The following KCNQ1 variants were observed in gnomAD, a reference collection of about 807,000 sequenced individuals.
KCNQ1 encodes the protein potassium voltage-gated channel subfamily KQT member 1.
Under a neutral mutation model 72.4 loss-of-function variants are expected in KCNQ1, and 49 were observed. The ratio of observed to expected loss-of-function variants is 0.68; its 90% CI spans 0.54 to 0.86. The LOEUF is 0.86. Among genes scored for constraint, KCNQ1 ranks in the 40% least tolerant of loss-of-function variants. The pLI is 0.00. For missense variants in KCNQ1, 790 were observed against 945.1 expected (o/e 0.84, Z 2.15); for synonymous variants, 450 against 412.6 (o/e 1.09, Z -1.10).
rs745455195 is a variant in KCNQ1, at chr11:2,457,651, G to C, written c.386+12167G>C. On this transcript the variant is annotated intron_variant, in intron 1 of 15. Coordinates refer to ENST00000155840, the MANE Select transcript of KCNQ1 (RefSeq NM_000218.3). The surrounding 1 kb of genome is among the most constrained non-coding windows in gnomAD (Gnocchi z 5.0). ...AGTGGGGAGGGGGGAAGGGGAGCAAGGTTTGAAAAGTTACCTGTGGGTGCT... is the reference window on the plus strand; with the variant it reads ...AGTGGGGAGGGGGGAAGGGGAGCAACGTTTGAAAAGTTACCTGTGGGTGCT... Among the ~76,000 whole-genome samples the C allele has an allele frequency of 1.2e-4, 18 of 152,070 alleles. No homozygotes were observed. The highest frequency in any genetic ancestry group is 2.1e-4 in the Non-Finnish European group (14 of 68,014).
chr11:2,526,831 G>A lies in KCNQ1; in HGVS notation c.387-1097G>A, dbSNP rs540071058. The stretch of plus-strand genomic sequence containing the variant: ...TCAGGATGGCAGGATCTCAGGGAGC[G>A]GAGGGAGCCTGGGGCACCCTATGCC... On this transcript the variant is annotated intron_variant, in intron 1 of 15. Coordinates refer to ENST00000155840, the MANE Select transcript of KCNQ1 (RefSeq NM_000218.3). This position sits in a 1 kb window ranked among gnomAD's most constrained non-coding sequence, Gnocchi z 6.1. Among the ~76,000 whole-genome samples the A allele has an allele frequency of 2.7e-4, 41 of 152,192 alleles. No homozygotes were observed. The highest frequency in any genetic ancestry group is 1.7e-3 in the South Asian group (8 of 4,828).
Position 2,585,280 on chromosome 11 carries a change from G to A in KCNQ1, c.1101G>A (p.Gln367=), listed in dbSNP as rs199473663. The change falls in exon 8 of 16, where the codon CAG becomes CAA. Residue 367 remains glutamine, a synonymous_variant. Coordinates refer to ENST00000155840, the MANE Select transcript of KCNQ1 (RefSeq NM_000218.3). The part of the protein sequence containing the change: ...QKQRQKHFNR[Q]IPAAASLIQT... ...AGAGGCAGAAGCACTTCAACCGGCAGATCCCGGCGGCAGCCTCACTCATTC... is the reference window on the plus strand; with the variant it reads ...AGAGGCAGAAGCACTTCAACCGGCAAATCCCGGCGGCAGCCTCACTCATTC... The A allele has an allele frequency of 6.2e-7, 1 of 1,614,028 alleles. No homozygotes were observed. The highest frequency in any genetic ancestry group is 8.5e-7 in the Non-Finnish European group (1 of 1,180,016).
Position 2,544,942 on chromosome 11 carries a change from G to A in KCNQ1, c.477+16924G>A, listed in dbSNP as rs1344072247. ...ATGTTGGCTCTGGGTTTCCATAGAT[G>A]TCTTTACCAGGTTAAGGAAACGTCC... On this transcript the variant is annotated intron_variant, in intron 2 of 15. Coordinates refer to ENST00000155840, the MANE Select transcript of KCNQ1 (RefSeq NM_000218.3). The surrounding 1 kb of genome is among the most constrained non-coding windows in gnomAD (Gnocchi z 4.4). Among the ~76,000 whole-genome samples the A allele has an allele frequency of 1.3e-5, 2 of 152,180 alleles. No homozygotes were observed. The highest frequency in any genetic ancestry group is 2.4e-5 in the African/African-American group (1 of 41,434).
intron 1 of KCNQ1, among the ~76,000 whole-genome samples, chr11:2,456,153 G>A (rs1352136448): frequency 6.6e-6 from 1 of 151,946 alleles, no homozygotes; most frequent in Non-Finnish European, 1.5e-5. Context: ...GCTTGGCCAA[G>A]GTGGTGAAAC....
intron 2 of KCNQ1, among the ~76,000 whole-genome samples, chr11:2,529,536 A>G (rs72847663): frequency 0.035 from 5,383 of 152,114 alleles, 115 homozygotes; most frequent in Non-Finnish European, 0.054. Context: ...TCTATTCCTC[A>G]TCATAATAAT....
intron 11 of KCNQ1, chr11:2,694,980 A>C (rs1332370920): frequency 2.5e-6 from 1 of 398,612 alleles, no homozygotes; most frequent in East Asian, 3.6e-5. Context: ...AAGAAGAAGA[A>C]GGCTGGCAGA....
chr11:2,845,009 G>C (rs1185389733), intron 15 of KCNQ1, among the ~76,000 whole-genome samples: 1 of 152,192 alleles, frequency 6.6e-6, no homozygotes, highest in Non-Finnish European at 1.5e-5. Context: ...CTGCACCTTT[G>C]ATCTGCTACG....
In KCNQ1 at chr11:2,458,968, G is replaced by T. The variant is rs997460184; in HGVS notation, c.386+13484G>T. ...TGGATTAAATTACTTCTGGTTTGCT[G>T]CATGTTCCATTTTTGCCCATGCCGC... On this transcript the variant is annotated intron_variant, in intron 1 of 15. Transcript: ENST00000155840. The surrounding 1 kb of genome is among the most constrained non-coding windows in gnomAD (Gnocchi z 4.6). Among the ~76,000 whole-genome samples the T allele has an allele frequency of 6.6e-6, 1 of 152,218 alleles. No individual in the cohort carries two copies. The highest frequency in any genetic ancestry group is 2.4e-5 in the African/African-American group (1 of 41,444).
Position 2,663,908 on chromosome 11 carries a change from C to T in KCNQ1, c.1514+1827C>T. 2.5e-6 allele frequency: 1 copy of T among 398,706 alleles called. No homozygotes were observed. 24.7% of individuals were successfully genotyped at this position (398,706 alleles called of 1,614,324 possible). A position where few individuals can be genotyped will look rare whatever the true frequency, so the allele number is the denominator to read the frequency against. On this transcript the variant is annotated intron_variant, in intron 11 of 15. Coordinates refer to ENST00000155840, the MANE Select transcript of KCNQ1 (RefSeq NM_000218.3). This position sits in a 1 kb window ranked among gnomAD's most constrained non-coding sequence, Gnocchi z 5.2. The stretch of plus-strand genomic sequence containing the variant: ...CCCCAAGCCAGTGTGGCTGTGTCAT[C>T]TAGGACACTGGGCTGTTTCTTGTTC...
chr11:2,731,641 G>T (rs1845860256), intron 11 of KCNQ1, among the ~76,000 whole-genome samples: 1 of 152,230 alleles, frequency 6.6e-6, no homozygotes, highest in Non-Finnish European at 1.5e-5. Context: ...TGGTCATGGA[G>T]ATCAGGTTCC....
At chr11:2,561,473 C>T (rs866881137) in intron 2 of KCNQ1, among the ~76,000 whole-genome samples, 4 of 152,248 alleles carry the variant, frequency 2.6e-5, no homozygotes, top group South Asian at 2.1e-4. Context: ...ACACTATTCC[C>T]ATGCCCTTTC....
chr11:2,480,217 T>G (rs1846631274), intron 1 of KCNQ1, among the ~76,000 whole-genome samples: 1 of 152,222 alleles, frequency 6.6e-6, no homozygotes, highest in Admixed American at 6.5e-5. Flanking sequence ...CCAAAGTTGC[T>G]TCCACATTTT....
intron 11 of KCNQ1, among the ~76,000 whole-genome samples, chr11:2,722,546 G>A (rs771309250): frequency 3.9e-5 from 6 of 152,156 alleles, no homozygotes; most frequent in African/African-American, 7.2e-5. Context: ...TGTCAGCCAC[G>A]GCTGGTGGGT....
chr11:2,552,155 C>T (rs1349093962), intron 2 of KCNQ1, among the ~76,000 whole-genome samples: 1 of 150,160 alleles, frequency 6.7e-6, no homozygotes, highest in Non-Finnish European at 1.5e-5. Flanking sequence ...TCTTTGTGTT[C>T]TGTCTAAGAA....
rs1254556236 is a variant in KCNQ1 at position 2,669,464 on chromosome 11, G to A, written c.1514+7383G>A. ...TTTACCTTGCCCTGTAGTTTTCAGT[G>A]TGGTGGTCATGAACAGCTTGTCAGA... On this transcript the variant is annotated intron_variant, in intron 11 of 15. Coordinates refer to ENST00000155840, the MANE Select transcript of KCNQ1 (RefSeq NM_000218.3). The surrounding 1 kb of genome is among the most constrained non-coding windows in gnomAD (Gnocchi z 5.6). 2.5e-5 allele frequency: 10 copies of A among 398,522 alleles called. No individual in the cohort carries two copies. Among genetic ancestry groups the A allele is most frequent in the Non-Finnish European group, 4.4e-5 (10 of 226,090 alleles). 24.7% of individuals were successfully genotyped at this position (398,522 alleles called of 1,614,324 possible).
rs546025239 is a variant in KCNQ1, at chr11:2,498,001, G to A, written c.387-29927G>A. On this transcript the variant is annotated intron_variant, in intron 1 of 15. Coordinates refer to ENST00000155840, the MANE Select transcript of KCNQ1 (RefSeq NM_000218.3). The surrounding 1 kb of genome is among the most constrained non-coding windows in gnomAD (Gnocchi z 4.8). ...GTTTGCCTGGGTATCACCAGTGGAGGCTGCAGAACAGCAAAGATTGCTGCC... is the reference window on the plus strand; with the variant it reads ...GTTTGCCTGGGTATCACCAGTGGAGACTGCAGAACAGCAAAGATTGCTGCC... Among the ~76,000 whole-genome samples the A allele has an allele frequency of 3.3e-5, 5 of 152,340 alleles. No individual in the cohort carries two copies. The East Asian group carries it at 9.7e-4, about 29-fold the overall frequency.
At position 2,824,067 on chromosome 11, in the gene KCNQ1, C is replaced by T. The variant is rs1323855676; in HGVS notation, c.1795-23700C>T. The stretch of plus-strand genomic sequence containing the variant: ...GCTTATCCATCATATAGCAGGCCTG[C>T]CCTTTCCACAGCACAAACACCTTGA... On this transcript the variant is annotated intron_variant, in intron 15 of 15. Transcript: ENST00000155840. The surrounding 1 kb of genome is among the most constrained non-coding windows in gnomAD (Gnocchi z 5.9). 6.6e-6 allele frequency among the ~76,000 whole-genome samples: 1 copy of T among 152,120 alleles called. No homozygotes were observed. The highest frequency in any genetic ancestry group is 1.5e-5 in the Non-Finnish European group (1 of 68,034).
rs1554890014 is a variant in KCNQ1, at chr11:2,544,292, A to ATATATG, written c.477+16275_477+16276insATATGT. Among the ~76,000 whole-genome samples the ATATATG allele has an allele frequency of 6.5e-4, 90 of 137,470 alleles. No homozygotes were observed. The highest frequency in any genetic ancestry group is 2.5e-3 in the African/African-American group (78 of 31,362). The allele number at this position is 137,470 out of a possible 152,430, so 90.2% of individuals were successfully genotyped here. ...TGTGTATATATATGTGTATATATAT[A>ATATATG]TGTATATATGTGTATATATGTATAT... On this transcript the variant is annotated intron_variant, in intron 2 of 15. Coordinates refer to ENST00000155840, the MANE Select transcript of KCNQ1 (RefSeq NM_000218.3). This position sits in a 1 kb window ranked among gnomAD's most constrained non-coding sequence, Gnocchi z 4.4.
chr11:2,518,066 A>C (rs1564803974), intron 1 of KCNQ1, among the ~76,000 whole-genome samples: 1 of 152,260 alleles, frequency 6.6e-6, no homozygotes, highest in Non-Finnish European at 1.5e-5. Context: ...GGTTTACCCT[A>C]ACATTCATTC....
Sources: allele counts gnomAD v4.1 joint callset (sites outside exome capture counted in the v4.1 genomes callset), GRCh38; gene constraint gnomAD v4.1.1; non-coding constraint Gnocchi (gnomAD v3.1); transcripts MANE v1.5; gene names NCBI Gene and HGNC (gene_info 2026-07-23, HGNC 2026-07-21).